Variants in ZNF184 observed in about 807,000 individuals in gnomAD.
ZNF184 encodes the protein zinc finger protein 184, also known as zinc finger protein 184 (Kruppel-like).
Under a neutral mutation model 54.4 loss-of-function variants are expected in ZNF184, and 16 were observed. The ratio of observed to expected loss-of-function variants is 0.29; its 90% CI spans 0.20 to 0.45. The LOEUF is 0.45. Ranked by LOEUF, ZNF184 falls within the 20% of genes least tolerant of loss-of-function variation. The pLI is 1.00. For synonymous variants in ZNF184, 254 were observed against 295.3 expected, an observed-to-expected ratio of 0.86 and a Z score of 1.43; for missense variants, 681 against 888.2, an observed-to-expected ratio of 0.77 and a Z score of 2.97.
chr6:27,463,085 T>C (rs1581584204), intron 3 of ZNF184, among the ~76,000 whole-genome samples: 1 of 104,330 alleles, frequency 9.6e-6, no homozygotes, highest in Non-Finnish European at 1.8e-5. Context: ...AGAGAACACA[T>C]GGACACAGGA....
chr6:27,465,317 G>A (rs1027450126), intron 3 of ZNF184, among the ~76,000 whole-genome samples: 4 of 150,032 alleles, frequency 2.7e-5, no homozygotes, highest in Non-Finnish European at 4.5e-5. Context: ...ACCCTGTCTC[G>A]ACTAAAAATA....
the ZNF184 span, among the ~76,000 whole-genome samples, chr6:27,410,297 G>A: frequency 3.3e-5 from 5 of 152,248 alleles, no homozygotes; most frequent in South Asian, 8.3e-4. Flanking sequence ...CAGTTCTGCC[G>A]ACTCCAGTAC....
At chr6:27,437,767 A>C in the ZNF184 span, among the ~76,000 whole-genome samples, 1 of 152,226 alleles carries the variant, frequency 6.6e-6, no homozygotes, top group Non-Finnish European at 1.5e-5. Flanking sequence ...ATATGAAGCA[A>C]TCTTCAAGGC....
chr6:27,416,997 T>A, the ZNF184 span, among the ~76,000 whole-genome samples: 2 of 152,194 alleles, frequency 1.3e-5, no homozygotes, highest in African/African-American at 4.8e-5. Context: ...ATTATCCTGC[T>A]GTGTCTGAGG....
chr6:27,436,384 G>A, the ZNF184 span, among the ~76,000 whole-genome samples: 6 of 152,128 alleles, frequency 3.9e-5, no homozygotes, highest in Non-Finnish European at 7.3e-5. Flanking sequence ...GGCTAGTCTC[G>A]AACTCCTGAC....
rs1488297836 is a variant in ZNF184, at chr6:27,472,185, C to T, written c.7+103G>A. 7 of 1,490,340 alleles carry T rather than the reference C, an allele frequency of 4.7e-6. No homozygotes were observed. Among genetic ancestry groups the T allele is most frequent in the African/African-American group, 4.2e-5 (3 of 72,280 alleles). 92.3% of individuals were successfully genotyped at this position (1,490,340 alleles called of 1,614,324 possible). A position where few individuals can be genotyped will look rare whatever the true frequency, so the allele number is the denominator to read the frequency against. Reference sequence around the variant, plus strand: ...TTGCTAATCCCTAAGCATACCGTTCCTTCCTTCCAAATCTCCTGCTCTGAT... The same window carrying T: ...TTGCTAATCCCTAAGCATACCGTTCTTTCCTTCCAAATCTCCTGCTCTGAT... On this transcript the variant is annotated intron_variant, in intron 2 of 5. Transcript: ENST00000683788. This position sits in a 1 kb window ranked among gnomAD's most constrained non-coding sequence, Gnocchi z 4.8.
chr6:27,472,259 C>CCCG lies in ZNF184; in HGVS notation c.7+26_7+28dup, dbSNP rs1158181650. On this transcript the variant is annotated intron_variant, in intron 2 of 5. Transcript: ENST00000683788. This position sits in a 1 kb window ranked among gnomAD's most constrained non-coding sequence, Gnocchi z 4.8. ...ATGACTGTTCTCAAGCCTCCATCAC[C>CCCG]CCGCTCTCCCCCAAGTCGACCCCAC... 7.4e-6 allele frequency: 12 copies of CCCG among 1,613,532 alleles called. No individual in the cohort carries two copies. The highest frequency in any genetic ancestry group is 1.0e-5 in the Non-Finnish European group (12 of 1,179,606).
chr6:27,407,520 G>C, the ZNF184 span, among the ~76,000 whole-genome samples: 2 of 152,320 alleles, frequency 1.3e-5, no homozygotes, highest in East Asian at 3.9e-4. Context: ...CAAGAGCCAT[G>C]TCAAGCTAAG....
chr6:27,409,498 CAAAA>C, the ZNF184 span, among the ~76,000 whole-genome samples: 8 of 39,936 alleles, frequency 2.0e-4, no homozygotes, highest in South Asian at 1.9e-3. Flanking sequence ...GACTCCGTCT[CAAAA>C]AAAAAAAAAA....
At chr6:27,426,429 C>T in the ZNF184 span, among the ~76,000 whole-genome samples, 1 of 152,180 alleles carries the variant, frequency 6.6e-6, no homozygotes, top group Non-Finnish European at 1.5e-5. The surrounding 1 kb of genome is among the most constrained non-coding windows in gnomAD (Gnocchi z 4.2). Flanking sequence ...TCCTCCTCCT[C>T]CTCTGCCTTT....
chr6:27,419,557 GATAGA>G, the ZNF184 span, among the ~76,000 whole-genome samples: 1 of 151,906 alleles, frequency 6.6e-6, no homozygotes, highest in Non-Finnish European at 1.5e-5. This position sits in a 1 kb window ranked among gnomAD's most constrained non-coding sequence, Gnocchi z 4.8. Flanking sequence ...TAGATAGATA[GATAGA>G]TAGATAGATA....
At position 27,452,069 on chromosome 6, in the gene ZNF184, G is replaced by C. The variant is rs759048815; in HGVS notation, c.1490C>G (p.Thr497Arg). 1 of 1,613,962 alleles carries C rather than the reference G, an allele frequency of 6.2e-7. No individual in the cohort carries two copies. The highest frequency in any genetic ancestry group is 1.7e-5 in the Admixed American group (1 of 60,002). ...ACTGCATTCAAAGGGCTTTTCTCTC[G>C]TGTGAATTCTCCGATGTTGAGTAAG... is the stretch of plus-strand genomic sequence containing the variant. ...SSLTQHRRIH[T>R]REKPFECSEC... The change falls in exon 6 of 6, where the codon ACG becomes AGG. Residue 497 changes from threonine (T) to arginine (R), a missense_variant. Coordinates refer to ENST00000683788, the MANE Select transcript of ZNF184 (RefSeq NM_001318891.2). This position sits in a 1 kb window ranked among gnomAD's most constrained non-coding sequence, Gnocchi z 5.5.
At chr6:27,469,566 G>C (rs141465244) in intron 2 of ZNF184, among the ~76,000 whole-genome samples, 1 of 152,114 alleles carries the variant, frequency 6.6e-6, no homozygotes, top group African/African-American at 2.4e-5. Flanking sequence ...GCTTGAACCC[G>C]GGAGAGGGAG....
In ZNF184 at chr6:27,452,049, A is replaced by T. The variant is rs1762740845; in HGVS notation, c.1510T>A (p.Cys504Ser). ...RIHTREKPFE[C>S]SECGKAFSYL... ...CTGAAAGCCTTTCCACATTCACTGC[A>T]TTCAAAGGGCTTTTCTCTCGTGTGA... The change falls in exon 6 of 6, where the codon TGC (cysteine) becomes AGC (serine). Residue 504 changes from cysteine (C) to serine (S), a missense_variant. Transcript: ENST00000683788. The surrounding 1 kb of genome is among the most constrained non-coding windows in gnomAD (Gnocchi z 5.5). 2 of 1,613,932 alleles carry T rather than the reference A, an allele frequency of 1.2e-6. No homozygotes were observed. The highest frequency in any genetic ancestry group is 1.7e-6 in the Non-Finnish European group (2 of 1,180,034).
intron 5 of ZNF184, among the ~76,000 whole-genome samples, 184 bp downstream of exon 5, chr6:27,456,642 T>C (rs1158853150): frequency 1.3e-5 from 2 of 152,156 alleles, no homozygotes; most frequent in Non-Finnish European, 2.9e-5. Context: ...ACATAGAATA[T>C]ATATTGCAAC....
At chr6:27,450,424 T>G (rs1438553415), downstream of ZNF184, among the ~76,000 whole-genome samples, 1 of 151,964 alleles carries the variant, frequency 6.6e-6, no homozygotes, top group Admixed American at 6.6e-5. Context: ...AGTAGTCTTA[T>G]AAAGAGATAT....
chr6:27,410,167 T>C, the ZNF184 span, among the ~76,000 whole-genome samples: 1 of 152,232 alleles, frequency 6.6e-6, no homozygotes, highest in Admixed American at 6.5e-5. Context: ...ATGATGCACT[T>C]TTCAGAACAT....
At chr6:27,406,171 G>A in the ZNF184 span, 1 of 152,258 alleles carries the variant, frequency 6.6e-6, no homozygotes, top group African/African-American at 2.4e-5. Flanking sequence ...TGGCTCTCTG[G>A]AGCAATGCTG....
the ZNF184 span, among the ~76,000 whole-genome samples, chr6:27,414,333 G>A: frequency 9.9e-5 from 15 of 152,196 alleles, no homozygotes; most frequent in African/African-American, 2.2e-4. Context: ...TTAATTGTTC[G>A]TTAAATCATG....
Sources: allele counts gnomAD v4.1 joint callset (sites outside exome capture counted in the v4.1 genomes callset), GRCh38; gene constraint gnomAD v4.1.1; non-coding constraint Gnocchi (gnomAD v3.1); transcripts MANE v1.5; gene names NCBI Gene and HGNC (gene_info 2026-07-23, HGNC 2026-07-21).